The following SLC38A10 variants were observed in gnomAD, a reference collection of about 807,000 sequenced individuals.
The protein encoded by SLC38A10 is solute carrier family 38 member 10.
A neutral mutation model predicts 81.0 loss-of-function variants in SLC38A10; 53 were observed. The observed-to-expected ratio is 0.65, with a 90% CI of 0.53 to 0.82. The LOEUF (loss-of-function observed/expected upper bound fraction) is 0.82. Ranked by LOEUF, SLC38A10 falls within the 40% of genes least tolerant of loss-of-function variation. SLC38A10 has a pLI of 0.00. For missense variants in SLC38A10, 1,471 were observed against 1,545.0 expected (o/e 0.95, Z 0.80); for synonymous variants, 665 against 655.3 (o/e 1.01, Z -0.23).
At position 81,283,479 on chromosome 17, in the gene SLC38A10, G is replaced by A; in HGVS notation, c.287C>T (p.Thr96Ile). ...ETSMIGLMLG[T>I]CIAFYVVIGD... Reference sequence around the variant, plus strand: ...GATCACGACGTAGAAGGCGATGCAGGTGCCCAGCATCAGCCCGATCATGCT... The same window carrying A: ...GATCACGACGTAGAAGGCGATGCAGATGCCCAGCATCAGCCCGATCATGCT... The change falls in exon 4 of 16, where the codon ACC becomes ATC. Residue 96 changes from threonine (T) to isoleucine (I), a missense_variant. Around this residue, in one of 2 missense-constraint regions of SLC38A10, gnomAD observed 720 missense variants for 827.7 expected, o/e 0.87. Coordinates refer to ENST00000374759, the MANE Select transcript of SLC38A10 (RefSeq NM_001037984.3). This position sits in a 1 kb window ranked among gnomAD's most constrained non-coding sequence, Gnocchi z 4.7. 6.2e-7 allele frequency: 1 copy of A among 1,611,702 alleles called. No individual in the cohort carries two copies. The highest frequency in any genetic ancestry group is 8.5e-7 in the Non-Finnish European group (1 of 1,178,988).
chr17:81,251,447 C>T (rs578196354), intron 14 of SLC38A10, 46 bp downstream of exon 14: 2 of 1,607,520 alleles, frequency 1.2e-6, no homozygotes, highest in African/African-American at 1.3e-5. Context: ...GAGGGGGCTG[C>T]CGCTCCCTGG....
At chr17:81,247,945 GCTGT>G in intron 14 of SLC38A10, among the ~76,000 whole-genome samples, 1 of 142,050 alleles carries the variant, frequency 7.0e-6, no homozygotes, top group African/African-American at 2.6e-5. Flanking sequence ...ACAAACAAAA[GCTGT>G]CTTTTTTTTT....
chr17:81,256,857 T>C (rs905463932), intron 11 of SLC38A10, among the ~76,000 whole-genome samples: 1 of 152,224 alleles, frequency 6.6e-6, no homozygotes, highest in Non-Finnish European at 1.5e-5. Flanking sequence ...TCCCAGGCTA[T>C]CTGGCTCCTG....
chr17:81,294,678 G>A (rs375271165), intron 1 of SLC38A10, 145 bp downstream of exon 1: 3 of 599,782 alleles, frequency 5.0e-6, no homozygotes, highest in African/African-American at 3.9e-5. Context: ...ACTGCGCCGG[G>A]ACCCAGAGGG....
In SLC38A10 at chr17:81,277,463, G is replaced by A. The variant is rs2063172303; in HGVS notation, c.627-330C>T. Among the ~76,000 whole-genome samples the A allele has an allele frequency of 6.6e-6, 1 of 152,234 alleles. No individual in the cohort carries two copies. The highest frequency in any genetic ancestry group is 2.1e-4 in the South Asian group (1 of 4,836). On this transcript the variant is annotated intron_variant, in intron 6 of 15. Coordinates refer to ENST00000374759, the MANE Select transcript of SLC38A10 (RefSeq NM_001037984.3). The surrounding 1 kb of genome is among the most constrained non-coding windows in gnomAD (Gnocchi z 4.5). ...TTTACAGGGCAAGCAGCCGGAGGAGGCTGCTCAGAGAATCGCTGTCAAGAG... is the reference window on the plus strand; with the variant it reads ...TTTACAGGGCAAGCAGCCGGAGGAGACTGCTCAGAGAATCGCTGTCAAGAG...
chr17:81,293,478 GTT>G lies in SLC38A10; in HGVS notation c.99+1343_99+1344del, dbSNP rs143962907. 2.0e-5 allele frequency among the ~76,000 whole-genome samples: 3 copies of G among 148,986 alleles called. No individual in the cohort carries two copies. The East Asian group carries it at 5.9e-4, about 29-fold the overall frequency. ...AAAATTCCTTGATCAAAAAAAAGTT[GTT>G]TTTTTTTTAGAGATGGGGTACTGTT... On this transcript the variant is annotated intron_variant, in intron 1 of 15. Transcript: ENST00000374759.
intron 10 of SLC38A10, among the ~76,000 whole-genome samples, chr17:81,269,674 G>T (rs2063098012): frequency 6.6e-6 from 1 of 151,986 alleles, no homozygotes; most frequent in Non-Finnish European, 1.5e-5. Flanking sequence ...GTTCCACGTG[G>T]TTCACTTTGT....
At position 81,286,512 on chromosome 17, in the gene SLC38A10, T is replaced by G. The variant is rs931338430; in HGVS notation, c.218-1617A>C. On this transcript the variant is annotated intron_variant, in intron 2 of 15. Transcript: ENST00000374759. This position sits in a 1 kb window ranked among gnomAD's most constrained non-coding sequence, Gnocchi z 6.0. ...CCCCAGGTTCAAACACCAGCCCCAG[T>G]TGGACTGACCCCACTCCTTCACATC... Among the ~76,000 whole-genome samples the G allele has an allele frequency of 2.0e-5, 3 of 152,136 alleles. No individual in the cohort carries two copies. The highest frequency in any genetic ancestry group is 4.4e-5 in the Non-Finnish European group (3 of 68,030).
rs1326618823 is a variant in SLC38A10 at position 81,288,150 on chromosome 17, G to A, written c.217+1541C>T. On this transcript the variant is annotated intron_variant, in intron 2 of 15. Coordinates refer to ENST00000374759, the MANE Select transcript of SLC38A10 (RefSeq NM_001037984.3). This position sits in a 1 kb window ranked among gnomAD's most constrained non-coding sequence, Gnocchi z 5.4. ...CCCCTCCGGTTCTGAGGGCCGAAAC[G>A]AACGCAGGACTCTCTGTGGCAACAT... 2.6e-5 allele frequency among the ~76,000 whole-genome samples: 4 copies of A among 152,220 alleles called. No homozygotes were observed. Among genetic ancestry groups the A allele is most frequent in the South Asian group, 2.1e-4 (1 of 4,832 alleles).
chr17:81,290,575 C>G (rs1281410924), intron 1 of SLC38A10, among the ~76,000 whole-genome samples: 1 of 152,182 alleles, frequency 6.6e-6, no homozygotes, highest in Non-Finnish European at 1.5e-5. Flanking sequence ...GGCCAGGGAA[C>G]AGCTCAGTGT....
chr17:81,245,127 C>A lies in SLC38A10; in HGVS notation c.*429G>T. On this transcript the variant is annotated 3_prime_UTR_variant, in exon 16 of 16. Transcript: ENST00000374759. ...GTTGGATGCTGGCTCTCACAGTAGC[C>A]TGTGTTGGGACCATGAGCAGCCATG... 5.5e-6 allele frequency: 1 copy of A among 183,016 alleles called. No homozygotes were observed. Among genetic ancestry groups the A allele is most frequent in the Non-Finnish European group, 1.1e-5 (1 of 88,888 alleles). The allele number at this position is 183,016 out of a possible 1,614,324, so 11.3% of individuals were successfully genotyped here.
intron 10 of SLC38A10, 132 bp from the exon 11 acceptor site, chr17:81,260,526 C>T (rs1369289362): frequency 6.3e-5 from 78 of 1,246,928 alleles, no homozygotes; most frequent in Middle Eastern, 2.9e-4. Flanking sequence ...CAAAGTCCCC[C>T]GAGGACGGGA....
chr17:81,250,937 G>A (rs2062904343), intron 14 of SLC38A10: 2 of 1,247,590 alleles, frequency 1.6e-6, no homozygotes, highest in Non-Finnish European at 2.0e-6. Context: ...TTCCTGGAGG[G>A]ACAGGTGACA....
intron 2 of SLC38A10, among the ~76,000 whole-genome samples, chr17:81,287,352 G>A (rs934503921): frequency 1.3e-5 from 2 of 152,190 alleles, no homozygotes; most frequent in South Asian, 2.1e-4. Flanking sequence ...GACCCAGCCC[G>A]GCGCCTCCTG....
At chr17:81,246,754 A>G in intron 15 of SLC38A10, 81 bp from the exon 16 acceptor site, 1 of 1,499,826 alleles carries the variant, frequency 6.7e-7, no homozygotes, top group Middle Eastern at 1.8e-4. Context: ...AACCAGCAAC[A>G]ACAGCATTGG....
At position 81,251,072 on chromosome 17, in the gene SLC38A10, A is replaced by G. The variant is rs1276842828; in HGVS notation, c.2065+421T>C. On this transcript the variant is annotated intron_variant, in intron 14 of 15. Transcript: ENST00000374759. ...CCCAAACTGGGTCCCCTTGGGGCAC[A>G]GCCTTAAAATAAACCTCCACATCTG... 11 of 1,462,764 alleles carry G rather than the reference A, an allele frequency of 7.5e-6. No individual in the cohort carries two copies. The Middle Eastern group carries it at 5.8e-4, about 77-fold the overall frequency. The allele number at this position is 1,462,764 out of a possible 1,614,324, so 90.6% of individuals were successfully genotyped here.
chr17:81,287,441 C>T (rs886148437), intron 2 of SLC38A10, among the ~76,000 whole-genome samples: 2 of 152,212 alleles, frequency 1.3e-5, no homozygotes, highest in Admixed American at 1.3e-4. Flanking sequence ...CTTACCCTCC[C>T]CAGGGACGCC....
chr17:81,251,921 C>T (rs1322078161), intron 13 of SLC38A10: 7 of 535,946 alleles, frequency 1.3e-5, no homozygotes, highest in South Asian at 8.2e-5. Context: ...CCCCCCGCGC[C>T]GCCCCCCGTG....
chr17:81,254,101 C>G (rs1274539284), intron 11 of SLC38A10, among the ~76,000 whole-genome samples: 1 of 152,046 alleles, frequency 6.6e-6, no homozygotes, highest in African/African-American at 2.4e-5. Flanking sequence ...ACCGCCATCA[C>G]CACCTCCCTG....
Sources: gnomAD v4.1 joint callset for allele counts (sites outside exome capture counted in the v4.1 genomes callset) on GRCh38, gnomAD v4.1.1 for gene constraint, gnomAD v4.1.1 regional missense constraint, Gnocchi (gnomAD v3.1) non-coding constraint, MANE v1.5 for transcripts, NCBI Gene and HGNC (gene_info 2026-07-23, HGNC 2026-07-21) for gene names.